The following MGAM2 variants were observed in gnomAD, a reference collection of about 807,000 sequenced individuals.
The protein encoded by MGAM2 is maltase-glucoamylase 2 (putative).
MGAM2 carries 98 observed loss-of-function variants against 96.1 expected under a neutral mutation model. The ratio of observed to expected loss-of-function variants is 1.02; its 90% CI spans 0.87 to 1.21. The LOEUF (loss-of-function observed/expected upper bound fraction) is 1.21. Among genes scored for constraint, MGAM2 ranks in the 50% most tolerant of loss-of-function variants. MGAM2 has a pLI of 0.00. For missense variants in MGAM2, 2,055 were observed against 1,182.4 expected (o/e 1.74, Z -10.82); for synonymous variants, 749 against 414.8 (o/e 1.81, Z -9.79).
At chr7:142,163,395 C>G (rs1340764182) in intron 23 of MGAM2, among the ~76,000 whole-genome samples, 1 of 152,188 alleles carries the variant, frequency 6.6e-6, no homozygotes, top group Non-Finnish European at 1.5e-5. Context: ...GATTCTCTTA[C>G]CTGAGCCTCC....
intron 34 of MGAM2, 97 bp downstream of exon 34, chr7:142,185,236 T>C: frequency 1.6e-6 from 1 of 626,800 alleles, no homozygotes; most frequent in South Asian, 1.9e-5. Context: ...TTCAGTTAAG[T>C]AGCCCTAACT....
At chr7:142,196,098 A>T in intron 37 of MGAM2, 56 bp from the exon 38 acceptor site, 1 of 764,284 alleles carries the variant, frequency 1.3e-6, no homozygotes, top group Non-Finnish European at 2.3e-6. Flanking sequence ...AGCTGCAGTT[A>T]TTCTCTGTAA....
chr7:142,173,380 G>T, intron 31 of MGAM2, 26 bp downstream of exon 31: 1 of 697,390 alleles, frequency 1.4e-6, no homozygotes, highest in Non-Finnish European at 2.6e-6. Flanking sequence ...TCAGCCCAAG[G>T]TGTAATTAGT....
chr7:142,151,227 GGGCA>G (rs1353765124), intron 15 of MGAM2, among the ~76,000 whole-genome samples: 1 of 152,130 alleles, frequency 6.6e-6, no homozygotes, highest in Admixed American at 6.6e-5. Flanking sequence ...GAGAGAGGAA[GGGCA>G]GGACCCAGCA....
At chr7:142,181,961 A>G (rs1429965517) in intron 32 of MGAM2, among the ~76,000 whole-genome samples, 1 of 152,028 alleles carries the variant, frequency 6.6e-6, no homozygotes, top group Non-Finnish European at 1.5e-5. Flanking sequence ...TTGCACCCAG[A>G]TTGTTGGTCT....
At chr7:142,177,048 A>C (rs1185085513) in intron 32 of MGAM2, among the ~76,000 whole-genome samples, 2 of 152,172 alleles carry the variant, frequency 1.3e-5, no homozygotes, top group Non-Finnish European at 2.9e-5. Context: ...GTACATATGT[A>C]GGTTTGTTAC....
intron 31 of MGAM2, 112 bp downstream of exon 31, chr7:142,173,466 T>A: frequency 1.7e-6 from 1 of 599,234 alleles, no homozygotes; most frequent in Admixed American, 2.7e-5. Context: ...ACATTCAGGC[T>A]GAATTTTTTT....
Position 142,140,803 on chromosome 7 carries a change from A to G in MGAM2, c.1088A>G (p.Asp363Gly). The G allele has an allele frequency of 1.4e-6, 1 of 702,038 alleles. No individual in the cohort carries two copies. The highest frequency in any genetic ancestry group is 1.5e-5 in the South Asian group (1 of 67,244). The allele number at this position is 702,038 out of a possible 1,614,324, so 43.5% of individuals were successfully genotyped here. A position where few individuals can be genotyped will look rare whatever the true frequency, so the allele number is the denominator to read the frequency against. Reference protein sequence around the residue: ...SRNRLAEIPYDVQYSDIDYMD... With the variant: ...SRNRLAEIPYGVQYSDIDYMD... Reference sequence around the variant, plus strand: ...TGATTGACCAGAGCTCTCTTTCAGGATGTCCAGTACTCTGACATAGACTAC... The same window carrying G: ...TGATTGACCAGAGCTCTCTTTCAGGGTGTCCAGTACTCTGACATAGACTAC... The change falls in exon 11 of 48, where the codon GAT becomes GGT. Residue 363 changes from aspartate to glycine, a missense_variant and splice_region_variant. Transcript: ENST00000477922.
chr7:142,181,366 C>T, intron 32 of MGAM2, among the ~76,000 whole-genome samples: 1 of 151,978 alleles, frequency 6.6e-6, no homozygotes, highest in East Asian at 1.9e-4. Context: ...TCACAGGCAC[C>T]CTTTTTGTTT....
In MGAM2 at chr7:142,222,004, C is replaced by G; in HGVS notation, c.7493C>G (p.Ser2498Cys). ...ACTCCTGATAGTACAGTACATACCT[C>G]TGCTACTGCACCTACTTATATTGCA... ...TTTPDSTVHT[S>C]ATAPTYIANA... is the part of the protein sequence containing the mutation. The change falls in exon 48 of 48, where the codon TCT becomes TGT. Residue 2498 changes from serine (S) to cysteine (C), a missense_variant. Coordinates refer to ENST00000477922, the MANE Select transcript of MGAM2 (RefSeq NM_001293626.2). 5.0e-6 allele frequency: 2 copies of G among 398,438 alleles called. No individual in the cohort carries two copies. Among genetic ancestry groups the G allele is most frequent in the Admixed American group, 4.4e-5 (1 of 22,726 alleles). 24.7% of individuals were successfully genotyped at this position (398,438 alleles called of 1,614,324 possible). A position where few individuals can be genotyped will look rare whatever the true frequency, so the allele number is the denominator to read the frequency against.
intron 17 of MGAM2, among the ~76,000 whole-genome samples, chr7:142,157,663 T>A (rs2129085510): frequency 1.3e-5 from 2 of 152,310 alleles, no homozygotes; most frequent in Middle Eastern, 3.4e-3. Context: ...GTGCTAGGAT[T>A]ACAGGTGTGA....
At chr7:142,194,975 G>A (rs1796986234) in intron 37 of MGAM2, among the ~76,000 whole-genome samples, 1 of 151,992 alleles carries the variant, frequency 6.6e-6, no homozygotes, top group South Asian at 2.1e-4. Context: ...TTTTCTAAGG[G>A]TGCGTGCAGA....
At chr7:142,135,059 T>A (rs1397318814) in intron 7 of MGAM2, among the ~76,000 whole-genome samples, 1 of 152,178 alleles carries the variant, frequency 6.6e-6, no homozygotes, top group East Asian at 1.9e-4. Flanking sequence ...GAGCATGTCT[T>A]GAAGCCTCCA....
chr7:142,135,218 A>T (rs1795022550), intron 7 of MGAM2, among the ~76,000 whole-genome samples: 1 of 152,224 alleles, frequency 6.6e-6, no homozygotes, highest in Admixed American at 6.5e-5. Context: ...CCAGCATCGG[A>T]TACAATGGAG....
Position 142,208,394 on chromosome 7 carries a change from C to G in MGAM2, c.5138-179C>G. The G allele has an allele frequency of 4.6e-6, 3 of 657,520 alleles. No individual in the cohort carries two copies. The South Asian group carries it at 4.8e-5, about 11-fold the overall frequency. The allele number at this position is 657,520 out of a possible 1,614,324, so 40.7% of individuals were successfully genotyped here. A position where few individuals can be genotyped will look rare whatever the true frequency, so the allele number is the denominator to read the frequency against. On this transcript the variant is annotated intron_variant, in intron 45 of 47. Coordinates refer to ENST00000477922, the MANE Select transcript of MGAM2 (RefSeq NM_001293626.2). ...AGGTACCCATTTGCATTTGCACATC[C>G]CCACACTAACATGCAGTGAAATAGT...
rs34480300 is a variant in MGAM2 at position 142,174,715 on chromosome 7, C to CTT, written c.3688-920_3688-919dup. On this transcript the variant is annotated intron_variant, in intron 31 of 47. Coordinates refer to ENST00000477922, the MANE Select transcript of MGAM2 (RefSeq NM_001293626.2). ...ATGCCCTTTATTTCTCTCTCTCTCT[C>CTT]TTTTTTTTTTTTTTTTTTGAGTTGG... Among the ~76,000 whole-genome samples, 186 of 85,436 alleles carry CTT rather than the reference C, an allele frequency of 2.2e-3. 11 individuals carry two copies. Among genetic ancestry groups the CTT allele is most frequent in the East Asian group, 8.8e-3 (21 of 2,396 alleles). 56.0% of individuals were successfully genotyped at this position (85,436 alleles called of 152,430 possible).
intron 3 of MGAM2, among the ~76,000 whole-genome samples, chr7:142,122,624 G>T (rs143306666): frequency 9.8e-5 from 15 of 152,296 alleles, no homozygotes; most frequent in African/African-American, 3.6e-4. Flanking sequence ...ATCACATAGC[G>T]TAGTGTAAAG....
At chr7:142,154,960 A>G (rs1219786660) in intron 17 of MGAM2, 115 bp downstream of exon 17, 3 of 639,324 alleles carry the variant, frequency 4.7e-6, no homozygotes, top group East Asian at 2.8e-5. Flanking sequence ...GCAGAAGGAT[A>G]AAAAAGTCTT....
Position 142,139,236 on chromosome 7 carries a change from TAAGTC to T in MGAM2, c.1086+573_1086+577del, listed in dbSNP as rs1298681205. Among the ~76,000 whole-genome samples the T allele has an allele frequency of 2.0e-5, 3 of 152,336 alleles. No individual in the cohort carries two copies. In the East Asian group the frequency reaches 5.8e-4, roughly 29 times the overall value. Reference sequence around the variant, plus strand: ...GTTTATGATGTTCAATGTCCACCAGTAAGTCAAGATAATTATTAAGTGTGTAATAT... The same window carrying T: ...GTTTATGATGTTCAATGTCCACCAGTAAGATAATTATTAAGTGTGTAATAT... On this transcript the variant is annotated intron_variant, in intron 10 of 47. Coordinates refer to ENST00000477922, the MANE Select transcript of MGAM2 (RefSeq NM_001293626.2).
Sources: allele counts gnomAD v4.1 joint callset (sites outside exome capture counted in the v4.1 genomes callset), GRCh38; gene constraint gnomAD v4.1.1; transcripts MANE v1.5; gene names NCBI Gene and HGNC (gene_info 2026-07-23, HGNC 2026-07-21).